BIRC6: variants seen among roughly 807,000 people sequenced by gnomAD.
BIRC6 encodes the protein dual E2 ubiquitin-conjugating enzyme/E3 ubiquitin-protein ligase BIRC6.
In BIRC6, 98 loss-of-function variants were observed where a neutral mutation model predicts 503.3. That is an observed-to-expected ratio of 0.19 (90% CI 0.17 to 0.23). The LOEUF (loss-of-function observed/expected upper bound fraction) is 0.23. Among genes scored for constraint, BIRC6 ranks in the 10% least tolerant of loss-of-function variants. The pLI, the probability that BIRC6 is intolerant of heterozygous loss-of-function variation, is 1.00. For synonymous variants in BIRC6, 2,240 were observed against 2,078.7 expected, an observed-to-expected ratio of 1.08 and a Z score of -2.11; for missense variants, 5,360 against 5,806.0, an observed-to-expected ratio of 0.92 and a Z score of 2.50.
Position 32,409,772 on chromosome 2 carries a change from TTGTC to T in BIRC6, c.1477+3218_1477+3221del, listed in dbSNP as rs560016490. 1.8e-3 allele frequency among the ~76,000 whole-genome samples: 267 copies of T among 152,306 alleles called. 1 individual carries two copies. The highest frequency in any genetic ancestry group is 2.8e-3 in the Non-Finnish European group (189 of 68,030). On this transcript the variant is annotated intron_variant, in intron 9 of 73. Coordinates refer to ENST00000421745, the MANE Select transcript of BIRC6 (RefSeq NM_016252.4). ...GAATAGAGAAGGGTTTTTAAAATGA[TTGTC>T]TGAAGAATATTATGCTGGTGCTTGT... is the stretch of plus-strand genomic sequence containing the variant.
At chr2:32,581,212 GTT>G (rs1407613565) in intron 66 of BIRC6, among the ~76,000 whole-genome samples, 2 of 152,156 alleles carry the variant, frequency 1.3e-5, no homozygotes, top group Non-Finnish European at 2.9e-5. Context: ...TTCCTCTACT[GTT>G]TGCTTAAAGC....
intron 57 of BIRC6, among the ~76,000 whole-genome samples, chr2:32,524,356 C>G (rs147318728): frequency 6.2e-4 from 94 of 152,252 alleles, no homozygotes; most frequent in African/African-American, 2.1e-3. Flanking sequence ...AACAGGAAAT[C>G]TGTTACAGAA....
intron 65 of BIRC6, chr2:32,574,937 A>G: frequency 1.8e-6 from 1 of 555,936 alleles, no homozygotes; most frequent in Non-Finnish European, 3.2e-6. Flanking sequence ...TAGTAGAGAC[A>G]GGGTTTCTAC....
At chr2:32,484,380 C>G (rs1426856445) in intron 39 of BIRC6, among the ~76,000 whole-genome samples, 1 of 151,854 alleles carries the variant, frequency 6.6e-6, no homozygotes, top group Non-Finnish European at 1.5e-5. Flanking sequence ...GGTGAAACCC[C>G]ATCTCTACTA....
intron 73 of BIRC6, among the ~76,000 whole-genome samples, chr2:32,614,853 G>A (rs2063132812): frequency 6.6e-6 from 1 of 151,992 alleles, no homozygotes. Flanking sequence ...TGAAAAGTAT[G>A]TAGTTGTTTA....
intron 56 of BIRC6, 107 bp from the exon 57 acceptor site, chr2:32,518,710 T>C: frequency 7.8e-7 from 1 of 1,283,904 alleles, no homozygotes; most frequent in Non-Finnish European, 1.1e-6. Context: ...AATTATATCT[T>C]GTAGGATTTA....
chr2:32,383,830 C>G (rs1486121729), intron 3 of BIRC6, among the ~76,000 whole-genome samples: 2 of 152,200 alleles, frequency 1.3e-5, no homozygotes, highest in African/African-American at 2.4e-5. Flanking sequence ...CCAAGCCCAG[C>G]TGGTGCTGTA....
chr2:32,445,758 A>G (rs1023929943), intron 21 of BIRC6, 90 bp downstream of exon 21: 5 of 948,984 alleles, frequency 5.3e-6, no homozygotes, highest in Non-Finnish European at 5.6e-6. Flanking sequence ...ATATATGCTG[A>G]TAACAGTCTT....
At chr2:32,573,797 G>A (rs1420539063) in intron 65 of BIRC6, among the ~76,000 whole-genome samples, 1 of 152,034 alleles carries the variant, frequency 6.6e-6, no homozygotes, top group Non-Finnish European at 1.5e-5. Flanking sequence ...TGGATAAATT[G>A]CAATTCTGTC....
rs184312574 is a variant in BIRC6, at chr2:32,470,319, T to C, written c.6481+18T>C. On this transcript the variant is annotated intron_variant, in intron 31 of 73. Coordinates refer to ENST00000421745, the MANE Select transcript of BIRC6 (RefSeq NM_016252.4). ...GACAGAAGGTATTAAGAGAAAGCAG[T>C]GTTCTTTAGTAAAAACAATATTCCT... The C allele has an allele frequency of 9.1e-5, 139 of 1,527,020 alleles. No individual in the cohort carries two copies. Among genetic ancestry groups the C allele is most frequent in the Middle Eastern group, 3.4e-4 (2 of 5,904 alleles). 94.6% of individuals were successfully genotyped at this position (1,527,020 alleles called of 1,614,324 possible).
intron 71 of BIRC6, 26 bp downstream of exon 71, chr2:32,603,109 C>A (rs757872750): frequency 1.9e-6 from 3 of 1,579,178 alleles, no homozygotes; most frequent in Non-Finnish European, 2.6e-6. Flanking sequence ...CTGACATTTT[C>A]ACTTAAGAAA....
At chr2:32,421,730 T>C (rs950823375) in intron 10 of BIRC6, among the ~76,000 whole-genome samples, 1 of 152,238 alleles carries the variant, frequency 6.6e-6, no homozygotes, top group African/African-American at 2.4e-5. Context: ...TTGAAATTTA[T>C]TGAGACTTTT....
chr2:32,380,426 A>G, intron 3 of BIRC6, 136 bp downstream of exon 3: 1 of 1,232,832 alleles, frequency 8.1e-7, no homozygotes, highest in Non-Finnish European at 1.1e-6. Flanking sequence ...TGTGCTTATA[A>G]GTCATCTTAA....
intron 70 of BIRC6, 43 bp downstream of exon 70, chr2:32,599,943 A>G (rs778138115): frequency 7.0e-6 from 11 of 1,572,890 alleles, no homozygotes; most frequent in South Asian, 3.4e-5. Context: ...CAATGATTGT[A>G]TACAAAGGTT....
intron 60 of BIRC6, among the ~76,000 whole-genome samples, chr2:32,530,428 CTG>C (rs1221829849): frequency 2.6e-5 from 4 of 152,144 alleles, no homozygotes; most frequent in African/African-American, 7.2e-5. Flanking sequence ...CCAAGCTACT[CTG>C]TAACTCCTGA....
chr2:32,568,491 CAA>C lies in BIRC6; in HGVS notation c.13145-6649_13145-6648del, dbSNP rs59954195. Among the ~76,000 whole-genome samples the C allele has an allele frequency of 9.9e-3, 1,079 of 108,868 alleles. 14 individuals are homozygous for C. Among genetic ancestry groups the C allele is most frequent in the African/African-American group, 0.034 (904 of 26,320 alleles). 71.4% of individuals were successfully genotyped at this position (108,868 alleles called of 152,430 possible). A position where few individuals can be genotyped will look rare whatever the true frequency, so the allele number is the denominator to read the frequency against. On this transcript the variant is annotated intron_variant, in intron 65 of 73. Transcript: ENST00000421745. ...TGGGCAACAGAGTGAGACCTTGGCG[CAA>C]AAAAAAAAAAAAAAAGGAAAATAAT...
At chr2:32,617,581 T>C (rs988182175) in intron 73 of BIRC6, 144 bp from the exon 74 acceptor site, 6 of 831,082 alleles carry the variant, frequency 7.2e-6, no homozygotes, top group Non-Finnish European at 1.1e-5. Flanking sequence ...ATCAAGTGCC[T>C]GTAACAGTAG....
At chr2:32,554,761 A>G (rs533176600) in intron 65 of BIRC6, among the ~76,000 whole-genome samples, 2 of 150,662 alleles carry the variant, frequency 1.3e-5, no homozygotes, top group African/African-American at 4.9e-5. Flanking sequence ...TTTTTACTTT[A>G]TGTTACCTTT....
At chr2:32,531,201 C>A (rs1306852120) in intron 60 of BIRC6, among the ~76,000 whole-genome samples, 154 bp from the exon 61 acceptor site, 1 of 152,110 alleles carries the variant, frequency 6.6e-6, no homozygotes, top group Non-Finnish European at 1.5e-5. Context: ...GTCATTGTAC[C>A]GTCTAGCCAT....
Sources: allele counts gnomAD v4.1 joint callset (sites outside exome capture counted in the v4.1 genomes callset), GRCh38; gene constraint gnomAD v4.1.1; transcripts MANE v1.5; gene names NCBI Gene and HGNC (gene_info 2026-07-23, HGNC 2026-07-21).